Variants in TERT observed in about 807,000 individuals in gnomAD.
TERT encodes telomerase reverse transcriptase.
A neutral mutation model predicts 104.0 loss-of-function variants in TERT; 42 were observed. The ratio of observed to expected loss-of-function variants is 0.40; its 90% confidence interval spans 0.32 to 0.52. The LOEUF is 0.52. TERT is among the 20% of genes least tolerant of loss of function. TERT has a pLI of 0.43. For missense variants in TERT, 1,101 were observed against 1,610.3 expected (o/e 0.68, Z 5.41); for synonymous variants, 781 against 725.6 (o/e 1.08, Z -1.23).
At position 1,286,606 on chromosome 5, in the gene TERT, G is replaced by A. The variant is rs919103055; in HGVS notation, c.1574-3982C>T. On this transcript the variant is annotated intron_variant, in intron 2 of 15. Coordinates refer to ENST00000310581, the MANE Select transcript of TERT (RefSeq NM_198253.3). The surrounding 1 kb of genome is among the most constrained non-coding windows in gnomAD (Gnocchi z 5.3). ...TAAAAGATCAAGGTATGCCGGGCAC[G>A]GTGGCTTGCACCTGTAATCCCAGCA... 2.6e-5 allele frequency among the ~76,000 whole-genome samples: 4 copies of A among 152,150 alleles called. No individual in the cohort carries two copies. Among genetic ancestry groups the A allele is most frequent in the African/African-American group, 7.2e-5 (3 of 41,428 alleles).
intron 2 of TERT, among the ~76,000 whole-genome samples, chr5:1,290,006 G>A (rs368302412): frequency 4.3e-3 from 17 of 3,912 alleles, no homozygotes; most frequent in African/African-American, 0.019. Context: ...ACACCCGGGG[G>A]CCGCGCCTCA....
rs146416245 is a variant in TERT at position 1,261,738 on chromosome 5, C to T, written c.2844-1138G>A. On this transcript the variant is annotated intron_variant, in intron 11 of 15. Transcript: ENST00000310581. This position sits in a 1 kb window ranked among gnomAD's most constrained non-coding sequence, Gnocchi z 7.4. The stretch of plus-strand genomic sequence containing the variant: ...TCTTCTTTCACAGCCATCCCCAACA[C>T]GACCTTGGGCTCCGGCTCACCCTGA... Among the ~76,000 whole-genome samples the T allele has an allele frequency of 1.1e-3, 171 of 152,326 alleles. 1 individual carries two copies. Among genetic ancestry groups the T allele is most frequent in the African/African-American group, 3.9e-3 (162 of 41,586 alleles).
At chr5:1,254,221 A>T in intron 15 of TERT, 147 bp downstream of exon 15, 1 of 1,052,262 alleles carries the variant, frequency 9.5e-7, no homozygotes, top group Non-Finnish European at 1.4e-6. Context: ...TTAATCACAT[A>T]GGGCTGCCAG....
intron 3 of TERT, 54 bp downstream of exon 3, chr5:1,282,375 G>A (rs1364129115): frequency 1.3e-5 from 20 of 1,580,628 alleles, no homozygotes; most frequent in Admixed American, 5.0e-5. Flanking sequence ...TGCTGAGGCC[G>A]GGCTGGTGTT....
At chr5:1,290,427 C>T (rs1412699389) in intron 2 of TERT, among the ~76,000 whole-genome samples, 2 of 57,784 alleles carry the variant, frequency 3.5e-5, no homozygotes, top group South Asian at 3.9e-4. Context: ...CACGCGGGGA[C>T]GGCGCCTCAC....
chr5:1,276,569 A>G (rs1423000538), intron 6 of TERT, among the ~76,000 whole-genome samples: 1 of 148,380 alleles, frequency 6.7e-6, no homozygotes, highest in Non-Finnish European at 1.5e-5. Context: ...CACCTACCCC[A>G]CACATAAAAA....
At position 1,293,433 on chromosome 5, in the gene TERT, G is replaced by A. The variant is rs775919290; in HGVS notation, c.1453C>T (p.Arg485Cys). 6.2e-7 allele frequency: 1 copy of A among 1,612,290 alleles called. No homozygotes were observed. The highest frequency in any genetic ancestry group is 1.3e-5 in the African/African-American group (1 of 75,076). The change falls in exon 2 of 16, where the codon CGC becomes TGC. Residue 485 changes from arginine (R) to cysteine (C), a missense_variant. Arg to Cys is a radical substitution (Grantham distance 180). Coordinates refer to ENST00000310581, the MANE Select transcript of TERT (RefSeq NM_198253.3). ...PGLWGSRHNE[R>C]RFLRNTKKFI... The stretch of plus-strand genomic sequence containing the variant: ...TTCTTGGTGTTCCTGAGGAAGCGGC[G>A]TTCGTTGTGCCTGGAGCCCCAGAGG...
In TERT at chr5:1,286,485, G is replaced by A. The variant is rs1579586488; in HGVS notation, c.1574-3861C>T. 1.3e-5 allele frequency among the ~76,000 whole-genome samples: 2 copies of A among 152,198 alleles called. No homozygotes were observed. Among genetic ancestry groups the A allele is most frequent in the South Asian group, 4.1e-4 (2 of 4,822 alleles). On this transcript the variant is annotated intron_variant, in intron 2 of 15. Transcript: ENST00000310581. The surrounding 1 kb of genome is among the most constrained non-coding windows in gnomAD (Gnocchi z 5.3). Reference sequence around the variant, plus strand: ...TGCCTGAGATAGAACTAAGTCAGCAGGGAAAACAGCACACAGGCTGGGGGG... The same window carrying A: ...TGCCTGAGATAGAACTAAGTCAGCAAGGAAAACAGCACACAGGCTGGGGGG...
chr5:1,290,180 CCTCA>C (rs1750793164), intron 2 of TERT, among the ~76,000 whole-genome samples: 1 of 87,392 alleles, frequency 1.1e-5, no homozygotes, highest in Non-Finnish European at 2.1e-5. Context: ...GGGGACAGTG[CCTCA>C]CTCACCCTAC....
intron 5 of TERT, 82 bp downstream of exon 5, chr5:1,279,197 CCCAGGAGTACCT>C (rs1749828931): frequency 1.4e-6 from 2 of 1,423,288 alleles, no homozygotes; most frequent in Non-Finnish European, 1.9e-6. Context: ...CTGCGGCCCA[CCCAGGAGTACCT>C]CCTCCACCCA....
rs1748367498 is a variant in TERT, at chr5:1,263,388, G to A, written c.2843+1016C>T. 6.6e-6 allele frequency among the ~76,000 whole-genome samples: 1 copy of A among 151,868 alleles called. No homozygotes were observed. Among genetic ancestry groups the A allele is most frequent in the South Asian group, 2.1e-4 (1 of 4,808 alleles). ...AATAAAAAAACACCTGTCCACTATG[G>A]TTTTGGAATGCTGATACTTTTTTTT... On this transcript the variant is annotated intron_variant, in intron 11 of 15. Transcript: ENST00000310581. This position sits in a 1 kb window ranked among gnomAD's most constrained non-coding sequence, Gnocchi z 5.3.
At chr5:1,267,906 C>T (rs976030877) in intron 9 of TERT, among the ~76,000 whole-genome samples, 2 of 151,958 alleles carry the variant, frequency 1.3e-5, no homozygotes, top group African/African-American at 4.8e-5. Flanking sequence ...ATGGGTGCAG[C>T]ACACCAACAT....
rs930619557 is a variant in TERT, at chr5:1,256,286, C to G, written c.3033-875G>C. 6.6e-6 allele frequency among the ~76,000 whole-genome samples: 1 copy of G among 152,096 alleles called. No homozygotes were observed. The highest frequency in any genetic ancestry group is 1.5e-5 in the Non-Finnish European group (1 of 68,002). ...GCCTCGGCCTCCCAAAGTGCTGGGA[C>G]TACAGGTGTGAGCCACCGCGCCAGC... On this transcript the variant is annotated intron_variant, in intron 13 of 15. Coordinates refer to ENST00000310581, the MANE Select transcript of TERT (RefSeq NM_198253.3). This position sits in a 1 kb window ranked among gnomAD's most constrained non-coding sequence, Gnocchi z 7.0.
chr5:1,289,148 T>C, intron 2 of TERT, among the ~76,000 whole-genome samples: 1 of 148,478 alleles, frequency 6.7e-6, no homozygotes, highest in East Asian at 2.0e-4. Context: ...ACCCTGCACC[T>C]GAGAGGGACA....
At chr5:1,276,066 TC>T (rs1179467368) in intron 6 of TERT, among the ~76,000 whole-genome samples, 5 of 83,718 alleles carry the variant, frequency 6.0e-5, no homozygotes, top group Admixed American at 1.2e-4. Flanking sequence ...TGAAAACCAA[TC>T]CCACAGATCC....
chr5:1,271,959 C>T lies in TERT; in HGVS notation c.2382+226G>A, dbSNP rs138895564. On this transcript the variant is annotated intron_variant, in intron 7 of 15. Transcript: ENST00000310581. Reference sequence around the variant, plus strand: ...AGGCACTGCGGAACTGGAGAGAGGCCGCGCAGTCAAACGTGAGCAGGTGCC... The same window carrying T: ...AGGCACTGCGGAACTGGAGAGAGGCTGCGCAGTCAAACGTGAGCAGGTGCC... 5.1e-3 allele frequency among the ~76,000 whole-genome samples: 775 copies of T among 152,344 alleles called. 5 individuals carry two copies. Among genetic ancestry groups the T allele is most frequent in the Non-Finnish European group, 8.3e-3 (563 of 68,030 alleles).
chr5:1,277,988 G>T (rs1028062967), intron 6 of TERT, among the ~76,000 whole-genome samples: 2 of 152,338 alleles, frequency 1.3e-5, no homozygotes, highest in South Asian at 2.1e-4. Flanking sequence ...GCTCTGGGAG[G>T]AGTGTGTCCC....
rs571806385 is a variant in TERT at position 1,262,170 on chromosome 5, C to A, written c.2844-1570G>T. ...TTATTTCTGTTGCTGGTGTTGTTTG[C>A]ATGTGTCTCCTCTTCTACCTAGAAT... On this transcript the variant is annotated intron_variant, in intron 11 of 15. Coordinates refer to ENST00000310581, the MANE Select transcript of TERT (RefSeq NM_198253.3). This position sits in a 1 kb window ranked among gnomAD's most constrained non-coding sequence, Gnocchi z 5.6. Among the ~76,000 whole-genome samples the A allele has an allele frequency of 1.1e-4, 16 of 152,302 alleles. No homozygotes were observed. The highest frequency in any genetic ancestry group is 2.4e-4 in the African/African-American group (10 of 41,564).
Position 1,287,677 on chromosome 5 carries a change from C to A in TERT, c.1574-5053G>T, listed in dbSNP as rs1750579973. ...TTCACTCATCAGGAAGATAAAAATTCTACCACGTGCATGCACCTAACAATG... is the reference window on the plus strand; with the variant it reads ...TTCACTCATCAGGAAGATAAAAATTATACCACGTGCATGCACCTAACAATG... On this transcript the variant is annotated intron_variant, in intron 2 of 15. Coordinates refer to ENST00000310581, the MANE Select transcript of TERT (RefSeq NM_198253.3). This position sits in a 1 kb window ranked among gnomAD's most constrained non-coding sequence, Gnocchi z 4.3. 6.6e-6 allele frequency among the ~76,000 whole-genome samples: 1 copy of A among 151,972 alleles called. No individual in the cohort carries two copies. The highest frequency in any genetic ancestry group is 1.5e-5 in the Non-Finnish European group (1 of 68,008).
Sources: gnomAD v4.1 joint callset for allele counts (sites outside exome capture counted in the v4.1 genomes callset) on GRCh38, gnomAD v4.1.1 for gene constraint, Gnocchi (gnomAD v3.1) non-coding constraint, MANE v1.5 for transcripts, NCBI Gene and HGNC (gene_info 2026-07-23, HGNC 2026-07-21) for gene names.